The following CSMD3 variants were observed in gnomAD, a reference collection of about 807,000 sequenced individuals.
The protein encoded by CSMD3 is CUB and Sushi multiple domains 3.
A neutral mutation model predicts 435.2 loss-of-function variants in CSMD3; 177 were observed. The observed-to-expected ratio is 0.41, with a 90% CI of 0.36 to 0.46. The LOEUF is 0.46. CSMD3 is among the 20% of genes least tolerant of loss of function. The pLI is 0.34. For synonymous variants in CSMD3, 1,656 were observed against 1,520.5 expected, an observed-to-expected ratio of 1.09 and a Z score of -2.07; for missense variants, 4,265 against 4,504.6, an observed-to-expected ratio of 0.95 and a Z score of 1.52.
intron 25 of CSMD3, among the ~76,000 whole-genome samples, chr8:112,555,486 G>A (rs1395962044): frequency 6.6e-6 from 1 of 151,898 alleles, no homozygotes; most frequent in Non-Finnish European, 1.5e-5. Flanking sequence ...ATGCCAATGG[G>A]CTGATTATTG....
chr8:113,120,575 T>C (rs1259048810), intron 4 of CSMD3, among the ~76,000 whole-genome samples: 3 of 152,148 alleles, frequency 2.0e-5, no homozygotes, highest in Non-Finnish European at 4.4e-5. Flanking sequence ...TCAGCACCAA[T>C]CTTGTGCAAG....
chr8:112,728,597 A>AG (rs1281816215), intron 13 of CSMD3, among the ~76,000 whole-genome samples: 1 of 151,976 alleles, frequency 6.6e-6, no homozygotes, highest in African/African-American at 2.4e-5. Flanking sequence ...CACCTTTGCT[A>AG]GCCAAGCCCC....
chr8:113,250,803 T>C (rs942286761), intron 3 of CSMD3, among the ~76,000 whole-genome samples: 4 of 152,110 alleles, frequency 2.6e-5, no homozygotes, highest in Non-Finnish European at 5.9e-5. Flanking sequence ...TTACTGGGGT[T>C]AAAAACCAAT....
chr8:113,366,891 T>C (rs1041102370), intron 1 of CSMD3, among the ~76,000 whole-genome samples: 3 of 152,058 alleles, frequency 2.0e-5, no homozygotes, highest in Non-Finnish European at 2.9e-5. Context: ...ACGGAAATCA[T>C]TGGTGTTAAA....
At chr8:113,197,279 T>C (rs1208632875) in intron 3 of CSMD3, among the ~76,000 whole-genome samples, 1 of 151,156 alleles carries the variant, frequency 6.6e-6, no homozygotes, top group Non-Finnish European at 1.5e-5. Context: ...AAATACTGTA[T>C]AGAATTGCCT....
chr8:112,638,679 GTTT>G lies in CSMD3; in HGVS notation c.3526+14_3526+16del. ...TAAAAGTTACTGAATGAGCCCTTTT[GTTT>G]TTTATTTTCTCACCAGAGAATGTTA... is the stretch of plus-strand genomic sequence containing the variant. On this transcript the variant is annotated intron_variant, in intron 21 of 70. Coordinates refer to ENST00000297405, the MANE Select transcript of CSMD3 (RefSeq NM_198123.2). 1 of 1,473,870 alleles carries G rather than the reference GTTT, an allele frequency of 6.8e-7. No homozygotes were observed. Among genetic ancestry groups the G allele is most frequent in the Non-Finnish European group, 9.5e-7 (1 of 1,053,878 alleles). 91.3% of individuals were successfully genotyped at this position (1,473,870 alleles called of 1,614,324 possible). A position where few individuals can be genotyped will look rare whatever the true frequency, so the allele number is the denominator to read the frequency against.
chr8:113,399,078 C>CATATATATAT lies in CSMD3; in HGVS notation c.178+37589_178+37598dup, dbSNP rs764141337. Among the ~76,000 whole-genome samples, 303 of 90,788 alleles carry CATATATATAT rather than the reference C, an allele frequency of 3.3e-3. 3 individuals carry two copies. Among genetic ancestry groups the CATATATATAT allele is most frequent in the African/African-American group, 4.4e-3 (91 of 20,638 alleles). The allele number at this position is 90,788 out of a possible 152,430, so 59.6% of individuals were successfully genotyped here. A position where few individuals can be genotyped will look rare whatever the true frequency, so the allele number is the denominator to read the frequency against. On this transcript the variant is annotated intron_variant, in intron 1 of 70. Coordinates refer to ENST00000297405, the MANE Select transcript of CSMD3 (RefSeq NM_198123.2). Reference sequence around the variant, plus strand: ...CAAAACCATACCCACAAGGATAGTTCATATATATATATATATATATATATA... The same window carrying CATATATATAT: ...CAAAACCATACCCACAAGGATAGTTCATATATATATATATATATATATATATATATATATA...
intron 3 of CSMD3, among the ~76,000 whole-genome samples, chr8:113,226,850 C>T (rs1278488893): frequency 6.6e-6 from 1 of 151,508 alleles, no homozygotes; most frequent in Non-Finnish European, 1.5e-5. Flanking sequence ...TCTTTCATAT[C>T]CCATAAAGAT....
intron 32 of CSMD3, among the ~76,000 whole-genome samples, chr8:112,416,855 C>T (rs190124130): frequency 6.6e-6 from 1 of 151,522 alleles, no homozygotes; most frequent in East Asian, 1.9e-4. Flanking sequence ...GGAAGAGATT[C>T]AAATCCTATG....
chr8:113,046,105 C>A (rs1156233926), intron 5 of CSMD3, among the ~76,000 whole-genome samples: 1 of 149,022 alleles, frequency 6.7e-6, no homozygotes, highest in Non-Finnish European at 1.5e-5. Flanking sequence ...CGGGAAGTAC[C>A]CTCAGCCTGG....
intron 1 of CSMD3, among the ~76,000 whole-genome samples, chr8:113,389,669 T>C (rs2094453546): frequency 6.6e-6 from 1 of 151,730 alleles, no homozygotes; most frequent in Admixed American, 6.6e-5. Flanking sequence ...TGAATTTAAA[T>C]TCAGGCTGAT....
chr8:113,255,784 G>A (rs1000894978), intron 3 of CSMD3, among the ~76,000 whole-genome samples: 15 of 151,736 alleles, frequency 9.9e-5, no homozygotes, highest in African/African-American at 3.4e-4. Context: ...CATATCTACT[G>A]TTTGTCTCTA....
intron 10 of CSMD3, among the ~76,000 whole-genome samples, chr8:112,861,861 C>G (rs1380636395): frequency 6.6e-6 from 1 of 151,892 alleles, no homozygotes; most frequent in Non-Finnish European, 1.5e-5. Context: ...CTCTGGCATC[C>G]TTTGTTTTCT....
Position 112,716,404 on chromosome 8 carries a change from C to A in CSMD3, c.1973-26354G>T, listed in dbSNP as rs144409930. ...CTTCTTCAAGGAGAACTACAAACCA[C>A]TGCTCAAGGAAATAAGAGAAAACAC... On this transcript the variant is annotated intron_variant, in intron 13 of 70. Coordinates refer to ENST00000297405, the MANE Select transcript of CSMD3 (RefSeq NM_198123.2). Among the ~76,000 whole-genome samples the A allele has an allele frequency of 4.0e-3, 608 of 152,270 alleles. 14 individuals are homozygous for A. The East Asian group carries it at 0.073, about 18-fold the overall frequency.
chr8:113,402,608 A>G (rs1265210741), intron 1 of CSMD3, among the ~76,000 whole-genome samples: 2 of 151,212 alleles, frequency 1.3e-5, no homozygotes, highest in Admixed American at 1.3e-4. Context: ...ATTTAATATC[A>G]TCATCATCAT....
chr8:113,180,036 T>C (rs1459348879), intron 3 of CSMD3, among the ~76,000 whole-genome samples: 2 of 151,904 alleles, frequency 1.3e-5, no homozygotes, highest in African/African-American at 4.8e-5. Context: ...TTCAGTCAAA[T>C]AGATGAAGCA....
At chr8:112,599,570 G>GT (rs1461928490) in intron 22 of CSMD3, among the ~76,000 whole-genome samples, 7 of 151,656 alleles carry the variant, frequency 4.6e-5, no homozygotes, top group South Asian at 4.2e-4. Context: ...ACATGCACAC[G>GT]TATGTTTATT....
intron 7 of CSMD3, among the ~76,000 whole-genome samples, chr8:112,956,153 C>T (rs1240597881): frequency 6.6e-6 from 1 of 151,878 alleles, no homozygotes; most frequent in Non-Finnish European, 1.5e-5. Context: ...AAGAATCTGC[C>T]TTTTTACCTG....
intron 9 of CSMD3, among the ~76,000 whole-genome samples, chr8:112,935,811 T>C (rs2083264071): frequency 6.6e-6 from 1 of 152,036 alleles, no homozygotes; most frequent in African/African-American, 2.4e-5. Flanking sequence ...CGTGATTTGA[T>C]ATAGTTTTTA....
Sources: allele counts gnomAD v4.1 joint callset (sites outside exome capture counted in the v4.1 genomes callset), GRCh38; gene constraint gnomAD v4.1.1; transcripts MANE v1.5; gene names NCBI Gene and HGNC (gene_info 2026-07-23, HGNC 2026-07-21).